Variants in PCSK2 observed in about 807,000 individuals in gnomAD.
PCSK2 encodes the protein neuroendocrine convertase 2.
PCSK2 carries 14 observed loss-of-function variants against 69.7 expected under a neutral mutation model. That is an observed-to-expected ratio of 0.20 (90% CI 0.13 to 0.31). The LOEUF (loss-of-function observed/expected upper bound fraction) is 0.31, where lower values mean the gene tolerates loss of function less well. Ranked by LOEUF, PCSK2 falls within the 10% of genes least tolerant of loss-of-function variation. PCSK2 has a pLI of 1.00. For missense variants in PCSK2, 544 were observed against 842.5 expected (o/e 0.65, Z 4.39); for synonymous variants, 307 against 320.7 (o/e 0.96, Z 0.46).
At chr20:17,386,473 TTC>T in intron 5 of PCSK2, among the ~76,000 whole-genome samples, 1 of 152,226 alleles carries the variant, frequency 6.6e-6, no homozygotes, top group Non-Finnish European at 1.5e-5. Flanking sequence ...AGGAAGGAAA[TTC>T]TGTTACTTGC....
At chr20:17,257,902 A>C (rs1987237026) in intron 1 of PCSK2, among the ~76,000 whole-genome samples, 1 of 152,218 alleles carries the variant, frequency 6.6e-6, no homozygotes, top group South Asian at 2.1e-4. Context: ...TCTTTTACAA[A>C]GGTTTTTGTC....
chr20:17,270,079 G>T (rs139020250), intron 2 of PCSK2, among the ~76,000 whole-genome samples: 1,946 of 152,086 alleles, frequency 0.013, 37 homozygotes, highest in African/African-American at 0.044. Context: ...AGACTATAAA[G>T]TTCCTTAATG....
chr20:17,442,041 A>G (rs1289643357), intron 8 of PCSK2, among the ~76,000 whole-genome samples: 11 of 151,112 alleles, frequency 7.3e-5, no homozygotes, highest in African/African-American at 2.4e-4. Flanking sequence ...AAGAACAGGA[A>G]CATCTGGGCA....
intron 5 of PCSK2, among the ~76,000 whole-genome samples, chr20:17,382,518 G>T (rs1355329859): frequency 6.6e-6 from 1 of 152,076 alleles, no homozygotes; most frequent in African/African-American, 2.4e-5. Context: ...AATGACTAAG[G>T]TGCTAAACGT....
chr20:17,316,418 AG>A (rs1284128149), intron 2 of PCSK2, among the ~76,000 whole-genome samples: 3 of 152,226 alleles, frequency 2.0e-5, no homozygotes, highest in African/African-American at 7.2e-5. Context: ...CATGTAAGCA[AG>A]CACTTGTATA....
At chr20:17,267,444 T>G (rs1411482650) in intron 2 of PCSK2, among the ~76,000 whole-genome samples, 1 of 152,040 alleles carries the variant, frequency 6.6e-6, no homozygotes, top group African/African-American at 2.4e-5. Context: ...GTGGGAAAAA[T>G]TCATCTGTTC....
At chr20:17,325,605 C>T (rs1600493142) in intron 2 of PCSK2, among the ~76,000 whole-genome samples, 2 of 152,246 alleles carry the variant, frequency 1.3e-5, no homozygotes, top group East Asian at 1.9e-4. Flanking sequence ...GTCTCCAAAG[C>T]TCAGAGGATA....
chr20:17,462,135 A>G (rs1215582396), intron 10 of PCSK2, among the ~76,000 whole-genome samples: 3 of 152,008 alleles, frequency 2.0e-5, no homozygotes, highest in East Asian at 1.9e-4. Flanking sequence ...GGAAAGCTCT[A>G]TTTTTCACCA....
At chr20:17,457,608 G>T (rs1023786087) in intron 10 of PCSK2, among the ~76,000 whole-genome samples, 16 of 152,170 alleles carry the variant, frequency 1.1e-4, no homozygotes, top group Admixed American at 8.5e-4. Context: ...ATTAGGCACA[G>T]AGACCTCTGC....
intron 1 of PCSK2, 125 bp downstream of exon 1, chr20:17,227,607 G>A (rs1356383753): frequency 1.4e-6 from 1 of 694,576 alleles, no homozygotes; most frequent in Non-Finnish European, 2.4e-6. Context: ...ATTCTGCCAT[G>A]GGCTCTTTAA....
intron 2 of PCSK2, among the ~76,000 whole-genome samples, chr20:17,276,933 CAG>C (rs929557100): frequency 2.6e-5 from 4 of 152,116 alleles, no homozygotes; most frequent in African/African-American, 7.2e-5. Flanking sequence ...AACAGACAAA[CAG>C]AGAGCCAAAT....
At chr20:17,410,658 G>T (rs748758904) in intron 6 of PCSK2, among the ~76,000 whole-genome samples, 2 of 152,142 alleles carry the variant, frequency 1.3e-5, no homozygotes, top group Non-Finnish European at 2.9e-5. Context: ...GTATAAAAAA[G>T]GTCTGAAAAC....
At chr20:17,449,526 G>GTGTATATATATATATATATA (rs1555796488) in intron 8 of PCSK2, among the ~76,000 whole-genome samples, 1 of 130,690 alleles carries the variant, frequency 7.7e-6, no homozygotes, top group Admixed American at 7.6e-5. Context: ...ATGTATGTAT[G>GTGTATATATATATATATATA]TATATATATA....
intron 1 of PCSK2, among the ~76,000 whole-genome samples, chr20:17,232,761 C>G (rs12480033): frequency 0.014 from 2,092 of 151,736 alleles, 88 homozygotes; most frequent in Admixed American, 0.079. Context: ...TCCCAAAGTT[C>G]TTTAGATCAA....
intron 4 of PCSK2, among the ~76,000 whole-genome samples, chr20:17,361,879 T>G (rs1038297351): frequency 6.6e-6 from 1 of 152,232 alleles, no homozygotes; most frequent in Non-Finnish European, 1.5e-5. Context: ...TTTCTTCTTT[T>G]CTCACACTTG....
chr20:17,344,313 A>G (rs957484148), intron 2 of PCSK2, among the ~76,000 whole-genome samples: 1 of 152,222 alleles, frequency 6.6e-6, no homozygotes, highest in Non-Finnish European at 1.5e-5. Context: ...CACAGTCACC[A>G]GCCCCCAAAT....
At chr20:17,257,742 G>A (rs1233030611) in intron 1 of PCSK2, among the ~76,000 whole-genome samples, 1 of 152,242 alleles carries the variant, frequency 6.6e-6, no homozygotes, top group African/African-American at 2.4e-5. Context: ...TTTTTAAAGA[G>A]ACATCAAGTC....
chr20:17,370,071 A>G lies in PCSK2; in HGVS notation c.543+794A>G, dbSNP rs2030712283. On this transcript the variant is annotated intron_variant, in intron 5 of 11. Transcript: ENST00000262545. ...ACGCTGCTTTCCTGATGAAGCCCAC[A>G]AGCCCTTTAAACAGAATCGATCACT... 3.9e-5 allele frequency among the ~76,000 whole-genome samples: 6 copies of G among 152,200 alleles called. No individual in the cohort carries two copies. In the South Asian group the frequency reaches 1.2e-3, roughly 32 times the overall value.
At chr20:17,450,079 G>C (rs903965623) in intron 8 of PCSK2, among the ~76,000 whole-genome samples, 2 of 120,574 alleles carry the variant, frequency 1.7e-5, no homozygotes, top group Admixed American at 1.1e-4. Flanking sequence ...CTAGGCTGGA[G>C]TGCAGTGGCG....
Sources: allele counts gnomAD v4.1 joint callset (sites outside exome capture counted in the v4.1 genomes callset), GRCh38; gene constraint gnomAD v4.1.1; transcripts MANE v1.5; gene names NCBI Gene and HGNC (gene_info 2026-07-23, HGNC 2026-07-21).